The following C12orf54 variants were observed in gnomAD, a reference collection of about 807,000 sequenced individuals.
C12orf54 encodes the protein chromosome 12 open reading frame 54, also known as uncharacterized protein C12orf54.
A neutral mutation model predicts 26.4 loss-of-function variants in C12orf54; 24 were observed. The observed-to-expected ratio is 0.91, with a 90% CI of 0.66 to 1.28. The LOEUF (loss-of-function observed/expected upper bound fraction) is 1.28, where lower values mean the gene tolerates loss of function less well. Among genes scored for constraint, C12orf54 ranks in the 50% most tolerant of loss-of-function variants. C12orf54 has a pLI of 0.00. For missense variants in C12orf54, 154 were observed against 150.9 expected (o/e 1.02, Z -0.11); for synonymous variants, 54 against 47.0 (o/e 1.15, Z -0.61).
chr12:48,481,924 A>T (rs151293371), upstream of C12orf54, among the ~76,000 whole-genome samples: 26 of 152,320 alleles, frequency 1.7e-4, no homozygotes, highest in African/African-American at 6.0e-4. Context: ...ATTTCTAGAC[A>T]TATTGGGATA....
At position 48,486,625 on chromosome 12, in the gene C12orf54, T is replaced by G. The variant is rs1282010508; in HGVS notation, c.97-63T>G. 4.7e-6 allele frequency: 7 copies of G among 1,499,882 alleles called. No homozygotes were observed. In the Admixed American group the frequency reaches 1.2e-4, roughly 26 times the overall value. 92.9% of individuals were successfully genotyped at this position (1,499,882 alleles called of 1,614,324 possible). A position where few individuals can be genotyped will look rare whatever the true frequency, so the allele number is the denominator to read the frequency against. ...CTTGTCTTCCACCAGTTTCATAATGTGTCACTTCAGATTCTGGGAGAGTTG... is the reference window on the plus strand; with the variant it reads ...CTTGTCTTCCACCAGTTTCATAATGGGTCACTTCAGATTCTGGGAGAGTTG... On this transcript the variant is annotated intron_variant, in intron 3 of 8. Coordinates refer to ENST00000548364, the MANE Select transcript of C12orf54 (RefSeq NM_152319.4).
At chr12:48,477,523 G>A (rs1269652195), upstream of C12orf54, among the ~76,000 whole-genome samples, 2 of 152,082 alleles carry the variant, frequency 1.3e-5, no homozygotes, top group African/African-American at 2.4e-5. Flanking sequence ...GAAGAAAATA[G>A]AGAAGAATCA....
chr12:48,478,366 C>T (rs1273455707), upstream of C12orf54, among the ~76,000 whole-genome samples: 1 of 152,184 alleles, frequency 6.6e-6, no homozygotes, highest in African/African-American at 2.4e-5. Flanking sequence ...CTCACCACTC[C>T]TATTCAACAT....
chr12:48,441,742 A>G, the C12orf54 span, among the ~76,000 whole-genome samples: 3 of 152,356 alleles, frequency 2.0e-5, no homozygotes, highest in South Asian at 2.1e-4. Flanking sequence ...GTAATAAAAA[A>G]TTGCTAAGCA....
chr12:48,421,675 G>A, the C12orf54 span, among the ~76,000 whole-genome samples: 24 of 151,946 alleles, frequency 1.6e-4, no homozygotes, highest in South Asian at 3.7e-3. Flanking sequence ...GGCTATAGGC[G>A]CACGCCACCA....
At chr12:48,496,062 G>T (rs1382739198) in intron 8 of C12orf54, 119 bp from the exon 9 acceptor site, 2 of 152,176 alleles carry the variant, frequency 1.3e-5, no homozygotes. Context: ...GGGTCATGAG[G>T]GTAGAAGCGT....
chr12:48,426,473 A>G, the C12orf54 span, among the ~76,000 whole-genome samples: 1 of 151,748 alleles, frequency 6.6e-6, no homozygotes, highest in Admixed American at 6.6e-5. Flanking sequence ...ACCATGTTGT[A>G]TTGGTTACTG....
chr12:48,445,241 A>T, the C12orf54 span, among the ~76,000 whole-genome samples: 1 of 151,904 alleles, frequency 6.6e-6, no homozygotes, highest in South Asian at 2.1e-4. Context: ...GGAAGAGAAT[A>T]GTCTAGGGCT....
the C12orf54 span, among the ~76,000 whole-genome samples, chr12:48,453,236 AACAG>A: frequency 7.2e-4 from 109 of 152,238 alleles, no homozygotes; most frequent in Admixed American, 6.5e-3. Flanking sequence ...CTAATGCAGG[AACAG>A]ACAACCAAAC....
At chr12:48,484,136 G>A (rs146347012) in intron 2 of C12orf54, among the ~76,000 whole-genome samples, 75 of 152,218 alleles carry the variant, frequency 4.9e-4, no homozygotes, top group East Asian at 2.7e-3. Flanking sequence ...CGGAGGTTGC[G>A]GTGAGCCGGG....
At chr12:48,489,793 C>T in intron 5 of C12orf54, among the ~76,000 whole-genome samples, 1 of 150,896 alleles carries the variant, frequency 6.6e-6, no homozygotes, top group Non-Finnish European at 1.5e-5. Flanking sequence ...ACGATCTTGG[C>T]TCACCACAAC....
At chr12:48,442,081 C>T in the C12orf54 span, 1 of 153,180 alleles carries the variant, frequency 6.5e-6, no homozygotes. Flanking sequence ...CCTCCCTGTT[C>T]TTCAGGCTGT....
the C12orf54 span, among the ~76,000 whole-genome samples, chr12:48,451,565 A>T: frequency 2.0e-5 from 3 of 152,224 alleles, no homozygotes; most frequent in African/African-American, 4.8e-5. Flanking sequence ...TTGTTTGCAG[A>T]TGGCATAATC....
chr12:48,440,642 T>C, the C12orf54 span, among the ~76,000 whole-genome samples: 5 of 152,208 alleles, frequency 3.3e-5, no homozygotes, highest in Non-Finnish European at 7.3e-5. Flanking sequence ...TCTCTGGTTA[T>C]ACATAGGTCC....
chr12:48,421,273 G>T, the C12orf54 span, among the ~76,000 whole-genome samples: 4 of 152,132 alleles, frequency 2.6e-5, no homozygotes, highest in Non-Finnish European at 4.4e-5. Context: ...AGAAGGCAAC[G>T]TGGGAGCAAG....
upstream of C12orf54, chr12:48,482,414 G>C (rs1055546358): frequency 3.3e-5 from 5 of 152,162 alleles, no homozygotes; most frequent in African/African-American, 1.2e-4. Context: ...TGGCTGGGAG[G>C]GAAAGCAAGT....
At chr12:48,419,332 CT>C in the C12orf54 span, among the ~76,000 whole-genome samples, 1 of 152,122 alleles carries the variant, frequency 6.6e-6, no homozygotes, top group East Asian at 1.9e-4. Flanking sequence ...GGTTTTAAGC[CT>C]TTCTTATCTC....
At chr12:48,447,014 G>C in the C12orf54 span, among the ~76,000 whole-genome samples, 1 of 152,134 alleles carries the variant, frequency 6.6e-6, no homozygotes, top group Non-Finnish European at 1.5e-5. Context: ...CTTAGTGCAA[G>C]TCTTTTAGTG....
the C12orf54 span, among the ~76,000 whole-genome samples, chr12:48,462,990 G>A: frequency 0.2 from 29,892 of 151,660 alleles, 3,262 homozygotes; most frequent in South Asian, 0.3. Flanking sequence ...CATCTATGTA[G>A]AATATTCATA....
Sources: gnomAD v4.1 joint callset for allele counts (sites outside exome capture counted in the v4.1 genomes callset) on GRCh38, gnomAD v4.1.1 for gene constraint, MANE v1.5 for transcripts, NCBI Gene and HGNC (gene_info 2026-07-23, HGNC 2026-07-21) for gene names.